ARFIP1: variants seen among roughly 807,000 people sequenced by gnomAD.
ARFIP1 encodes arfaptin-1.
In ARFIP1, 24 loss-of-function variants were observed where a neutral mutation model predicts 42.5. The observed-to-expected ratio is 0.57, with a 90% CI of 0.41 to 0.80. ARFIP1 has a LOEUF of 0.80. Ranked by LOEUF, ARFIP1 falls within the 30% of genes least tolerant of loss-of-function variation. The pLI is 0.00. For synonymous variants in ARFIP1, 141 were observed against 153.7 expected, an observed-to-expected ratio of 0.92 and a Z score of 0.61; for missense variants, 354 against 434.0, an observed-to-expected ratio of 0.82 and a Z score of 1.64.
chr4:152,845,986 T>A (rs1004238671), intron 2 of ARFIP1, among the ~76,000 whole-genome samples: 13 of 152,208 alleles, frequency 8.5e-5, no homozygotes, highest in Non-Finnish European at 1.9e-4. Context: ...ATGTGGTAGA[T>A]ATACATCATT....
chr4:152,864,830 ACACAT>A (rs1325949669), intron 3 of ARFIP1, among the ~76,000 whole-genome samples: 2 of 152,026 alleles, frequency 1.3e-5, no homozygotes, highest in African/African-American at 4.8e-5. Flanking sequence ...TCTTTTCTGC[ACACAT>A]CTCATATCTA....
rs1023562075 is a variant in ARFIP1, at chr4:152,855,087, A to T, written c.94-8519A>T. Among the ~76,000 whole-genome samples, 6 of 152,296 alleles carry T rather than the reference A, an allele frequency of 3.9e-5. No individual in the cohort carries two copies. The East Asian group carries it at 1.2e-3, about 29-fold the overall frequency. On this transcript the variant is annotated intron_variant, in intron 2 of 8. Transcript: ENST00000353617. ...CTGAGTAGTGTGCATGGGTATTGGC[A>T]GTGGCTGTGATGGGCTGGGCGGACC...
chr4:152,807,776 T>C (rs1418129700), intron 1 of ARFIP1, among the ~76,000 whole-genome samples: 2 of 152,086 alleles, frequency 1.3e-5, no homozygotes, highest in African/African-American at 4.8e-5. Flanking sequence ...GTCCAGATTA[T>C]CAGTATTTTT....
chr4:152,802,318 G>T (rs1459825496), intron 1 of ARFIP1, among the ~76,000 whole-genome samples: 1 of 151,884 alleles, frequency 6.6e-6, no homozygotes, highest in Non-Finnish European at 1.5e-5. Flanking sequence ...AATTAGCTTT[G>T]TGTCTTTCTT....
chr4:152,796,147 C>T (rs183059423), intron 1 of ARFIP1: 3 of 748,902 alleles, frequency 4.0e-6, no homozygotes, highest in Non-Finnish European at 7.5e-6. Context: ...AACTTTGCCT[C>T]CCTGTGTCAC....
At chr4:152,857,176 G>C (rs1337563153) in intron 2 of ARFIP1, among the ~76,000 whole-genome samples, 1 of 152,194 alleles carries the variant, frequency 6.6e-6, no homozygotes, top group Middle Eastern at 3.2e-3. Flanking sequence ...GTGACAAGAG[G>C]TTTTAAGTGA....
At position 152,780,204 on chromosome 4, in the gene ARFIP1, G is replaced by C. The variant is rs1246339091; in HGVS notation, c.-32G>C. The C allele has an allele frequency of 2.0e-5, 3 of 152,286 alleles. No homozygotes were observed. The highest frequency in any genetic ancestry group is 4.4e-5 in the Non-Finnish European group (3 of 68,092). 9.4% of individuals were successfully genotyped at this position (152,286 alleles called of 1,614,324 possible). A position where few individuals can be genotyped will look rare whatever the true frequency, so the allele number is the denominator to read the frequency against. On this transcript the variant is annotated 5_prime_UTR_variant, in exon 1 of 9. Transcript: ENST00000353617. ...GGAAAGGATAAGCCTCGACTTAGAAGCTACCGAGTTACCCTAAGAAAGGTG... is the reference window on the plus strand; with the variant it reads ...GGAAAGGATAAGCCTCGACTTAGAACCTACCGAGTTACCCTAAGAAAGGTG...
intron 3 of ARFIP1, among the ~76,000 whole-genome samples, chr4:152,865,127 A>T (rs1734219067): frequency 6.6e-6 from 1 of 151,232 alleles, no homozygotes; most frequent in Non-Finnish European, 1.5e-5. Context: ...CCTCATGCAG[A>T]TATTAGTATT....
chr4:152,826,059 A>C (rs76924034), intron 1 of ARFIP1, among the ~76,000 whole-genome samples: 2,448 of 152,118 alleles, frequency 0.016, 74 homozygotes, highest in African/African-American at 0.056. Context: ...TGGTGATAAA[A>C]CAGTATGTAG....
chr4:152,874,523 A>G (rs1735160730), intron 5 of ARFIP1, among the ~76,000 whole-genome samples: 1 of 152,226 alleles, frequency 6.6e-6, no homozygotes, highest in Admixed American at 6.5e-5. Context: ...TGGGGTCTGC[A>G]TGACTCTCTG....
chr4:152,793,147 G>A (rs1731230122), intron 1 of ARFIP1, among the ~76,000 whole-genome samples: 1 of 151,684 alleles, frequency 6.6e-6, no homozygotes, highest in Admixed American at 6.6e-5. Flanking sequence ...AAATTATATA[G>A]GTCATTAACT....
chr4:152,856,459 T>TA (rs1198370150), intron 2 of ARFIP1, among the ~76,000 whole-genome samples: 2 of 152,216 alleles, frequency 1.3e-5, no homozygotes, highest in Non-Finnish European at 2.9e-5. Context: ...TTAAAAATAA[T>TA]ACAGATTTAA....
chr4:152,793,999 A>G (rs979179659), intron 1 of ARFIP1, among the ~76,000 whole-genome samples: 28 of 152,144 alleles, frequency 1.8e-4, no homozygotes, highest in African/African-American at 5.1e-4. Context: ...TTTGTTCAGA[A>G]TTTCTTACTG....
chr4:152,821,426 C>T (rs983117055), intron 1 of ARFIP1, among the ~76,000 whole-genome samples: 1 of 151,910 alleles, frequency 6.6e-6, no homozygotes, highest in Non-Finnish European at 1.5e-5. Flanking sequence ...TTTGAATCAG[C>T]CCAGTCAGAC....
chr4:152,904,202 T>A (rs1448211624), intron 8 of ARFIP1, among the ~76,000 whole-genome samples: 12 of 141,166 alleles, frequency 8.5e-5, no homozygotes, highest in African/African-American at 2.1e-4. Flanking sequence ...ATATATATTT[T>A]TTTTTTTTTA....
intron 2 of ARFIP1, among the ~76,000 whole-genome samples, chr4:152,853,905 C>CTTTTTTTTTTT (rs36055484): frequency 1.1e-4 from 8 of 74,764 alleles, no homozygotes; most frequent in African/African-American, 2.2e-4. Flanking sequence ...TTCTGAGATT[C>CTTTTTTTTTTT]TTTTTTTTTT....
chr4:152,870,378 A>C (rs1189775248), intron 3 of ARFIP1, among the ~76,000 whole-genome samples: 1 of 152,200 alleles, frequency 6.6e-6, no homozygotes, highest in African/African-American at 2.4e-5. Flanking sequence ...TTTATATATG[A>C]GAGTAGCAAG....
chr4:152,780,790 C>T (rs1012910240), intron 1 of ARFIP1, among the ~76,000 whole-genome samples: 4 of 152,160 alleles, frequency 2.6e-5, no homozygotes, highest in South Asian at 2.1e-4. Context: ...TTCCTGTTTG[C>T]CAAGTTACTA....
intron 1 of ARFIP1, among the ~76,000 whole-genome samples, chr4:152,827,531 T>C (rs577871908): frequency 1.7e-4 from 26 of 152,218 alleles, no homozygotes; most frequent in Non-Finnish European, 3.1e-4. Flanking sequence ...GAAAAGTTTC[T>C]CTGCCTTAAA....
Sources: gnomAD v4.1 joint callset for allele counts (sites outside exome capture counted in the v4.1 genomes callset) on GRCh38, gnomAD v4.1.1 for gene constraint, MANE v1.5 for transcripts, NCBI Gene and HGNC (gene_info 2026-07-23, HGNC 2026-07-21) for gene names.